The following PLEKHA7 variants were observed in gnomAD, a reference collection of about 807,000 sequenced individuals.
PLEKHA7 encodes the protein pleckstrin homology domain-containing family A member 7.
Under a neutral mutation model 170.0 loss-of-function variants are expected in PLEKHA7, and 104 were observed. That is an observed-to-expected ratio of 0.61 (90% CI 0.52 to 0.72). The LOEUF is 0.72. PLEKHA7 is among the 30% of genes least tolerant of loss of function. The probability of loss-of-function intolerance (pLI) is 0.00; values close to 1 mark genes in which losing one functional copy is unlikely to be tolerated. For synonymous variants in PLEKHA7, 648 were observed against 660.8 expected (o/e 0.98, Z 0.30); for missense variants, 1,615 against 1,671.7 (o/e 0.97, Z 0.59).
chr11:16,832,996 A>G (rs967692672), intron 9 of PLEKHA7, among the ~76,000 whole-genome samples: 2 of 152,228 alleles, frequency 1.3e-5, no homozygotes, highest in Admixed American at 6.5e-5. Flanking sequence ...AGAAGCCCAA[A>G]GTATGTGGAG....
intron 3 of PLEKHA7, among the ~76,000 whole-genome samples, chr11:16,925,911 AGGAGGGGGAGGGAAAAGGGC>A (rs1304207650): frequency 1.3e-5 from 2 of 152,182 alleles, no homozygotes; most frequent in Non-Finnish European, 2.9e-5. Flanking sequence ...AGAGAGGCTG[AGGAGGGGGAGGGAAAAGGGC>A]GGAGGGGCAG....
rs996514218 is a variant in PLEKHA7, at chr11:16,921,936, A to G, written c.222-50754T>C. On this transcript the variant is annotated intron_variant, in intron 3 of 26. Coordinates refer to ENST00000531066, the MANE Select transcript of PLEKHA7 (RefSeq NM_001329630.2). ...AGGTATCCAGTTGCTCTTAGGACTA[A>G]TATTCCCTAATCCTGGCTGGACCAG... Among the ~76,000 whole-genome samples the G allele has an allele frequency of 3.3e-5, 5 of 152,336 alleles. 1 individual carries two copies. The highest frequency in any genetic ancestry group is 6.8e-3 in the Middle Eastern group (2 of 294).
At chr11:16,844,862 A>G (rs899767861) in intron 8 of PLEKHA7, among the ~76,000 whole-genome samples, 1 of 152,222 alleles carries the variant, frequency 6.6e-6, no homozygotes, top group African/African-American at 2.4e-5. Context: ...TGACTGGCTC[A>G]TTCTGGAACT....
chr11:16,837,633 T>C (rs1851619937), intron 9 of PLEKHA7, among the ~76,000 whole-genome samples: 1 of 152,148 alleles, frequency 6.6e-6, no homozygotes, highest in African/African-American at 2.4e-5. Flanking sequence ...GTTTGTTTAT[T>C]TAAAGTAAAA....
At chr11:16,907,293 A>G (rs1465201670) in intron 3 of PLEKHA7, among the ~76,000 whole-genome samples, 110 of 107,946 alleles carry the variant, frequency 1.0e-3, no homozygotes, top group South Asian at 2.5e-3. Context: ...CAGCCGCCCC[A>G]TCCGGGAGGT....
chr11:16,797,306 TA>T (rs1231397297), intron 17 of PLEKHA7, among the ~76,000 whole-genome samples: 1 of 152,100 alleles, frequency 6.6e-6, no homozygotes, highest in Non-Finnish European at 1.5e-5. Flanking sequence ...CCCCATGGAC[TA>T]AAATAAAGGC....
At chr11:16,929,929 G>T (rs190466243) in intron 3 of PLEKHA7, among the ~76,000 whole-genome samples, 1 of 151,906 alleles carries the variant, frequency 6.6e-6, no homozygotes, top group African/African-American at 2.4e-5. Context: ...ACTCGAACCC[G>T]GGAGGTGGAG....
chr11:16,794,042 CCA>C (rs1239990734), intron 19 of PLEKHA7, among the ~76,000 whole-genome samples: 4 of 152,174 alleles, frequency 2.6e-5, no homozygotes, highest in African/African-American at 9.7e-5. Flanking sequence ...ACAACCCAGC[CCA>C]GTGCTCAGCG....
chr11:16,782,658 G>T, intron 26 of PLEKHA7, 96 bp downstream of exon 26: 1 of 1,446,148 alleles, frequency 6.9e-7, no homozygotes, highest in Non-Finnish European at 9.2e-7. Flanking sequence ...CTTGACACCT[G>T]GTTTTCCACT....
rs368678191 is a variant in PLEKHA7 at position 16,852,221 on chromosome 11, C to CA, written c.595+61dup. ...TTAGGACTGGTAAACCTGAAGTCAC[C>CA]AACCATCCACATATGTAAAACTGAA... On this transcript the variant is annotated intron_variant, in intron 7 of 26. Transcript: ENST00000531066. The CA allele has an allele frequency of 7.6e-4, 1,124 of 1,470,050 alleles. 9 individuals are homozygous for CA. In the African/African-American group the frequency reaches 0.014, roughly 18 times the overall value. The allele number at this position is 1,470,050 out of a possible 1,614,324, so 91.1% of individuals were successfully genotyped here.
intron 3 of PLEKHA7, among the ~76,000 whole-genome samples, chr11:16,876,480 G>C (rs923436507): frequency 2.6e-5 from 4 of 152,204 alleles, no homozygotes; most frequent in Non-Finnish European, 5.9e-5. Flanking sequence ...GTCTCACTTA[G>C]GAAAGGACCA....
At chr11:16,980,687 C>T (rs557052825) in intron 3 of PLEKHA7, among the ~76,000 whole-genome samples, 3 of 152,064 alleles carry the variant, frequency 2.0e-5, no homozygotes, top group African/African-American at 7.2e-5. Flanking sequence ...CTTTGGGAGG[C>T]CAAAGTGGAT....
intron 3 of PLEKHA7, chr11:16,975,088 A>T: frequency 3.2e-6 from 2 of 625,880 alleles, no homozygotes; most frequent in Non-Finnish European, 4.5e-6. Flanking sequence ...CAGTTCTATG[A>T]GATTTCATCA....
intron 3 of PLEKHA7, among the ~76,000 whole-genome samples, chr11:16,941,803 A>G (rs552377003): frequency 1.3e-5 from 2 of 152,350 alleles, no homozygotes; most frequent in African/African-American, 4.8e-5. Flanking sequence ...ACAGACTACT[A>G]TGTCAAAACC....
intron 3 of PLEKHA7, among the ~76,000 whole-genome samples, chr11:16,947,174 T>C (rs1280876168): frequency 6.6e-6 from 1 of 152,178 alleles, no homozygotes; most frequent in Non-Finnish European, 1.5e-5. Context: ...TAGGAGGCCA[T>C]TATCAAAAAG....
At chr11:16,956,212 C>T (rs1022579254) in intron 3 of PLEKHA7, among the ~76,000 whole-genome samples, 2 of 152,084 alleles carry the variant, frequency 1.3e-5, no homozygotes, top group African/African-American at 2.4e-5. Context: ...AGAAACAGGG[C>T]TGTGCTATGT....
chr11:16,988,387 A>C (rs1377686036), intron 3 of PLEKHA7, among the ~76,000 whole-genome samples: 1 of 152,134 alleles, frequency 6.6e-6, no homozygotes, highest in Non-Finnish European at 1.5e-5. Context: ...CATTTACTCC[A>C]TACTCTCCAC....
At chr11:16,949,213 A>C (rs1861253846) in intron 3 of PLEKHA7, among the ~76,000 whole-genome samples, 1 of 150,752 alleles carries the variant, frequency 6.6e-6, no homozygotes, top group South Asian at 2.1e-4. Flanking sequence ...GCTCCTCCCC[A>C]CCATTCACCA....
chr11:16,791,254 C>T lies in PLEKHA7; in HGVS notation c.2746-55G>A. 1 of 1,469,768 alleles carries T rather than the reference C, an allele frequency of 6.8e-7. No homozygotes were observed. Among genetic ancestry groups the T allele is most frequent in the Non-Finnish European group, 9.2e-7 (1 of 1,090,148 alleles). 91.0% of individuals were successfully genotyped at this position (1,469,768 alleles called of 1,614,324 possible). ...CAGCGAGACGGAGCTGGAGGGAGGA[C>T]TGCTAGGTACTGCCACAGTGGAGGT... On this transcript the variant is annotated intron_variant, in intron 19 of 26. Coordinates refer to ENST00000531066, the MANE Select transcript of PLEKHA7 (RefSeq NM_001329630.2). This position sits in a 1 kb window ranked among gnomAD's most constrained non-coding sequence, Gnocchi z 4.5.
Sources: gnomAD v4.1 joint callset for allele counts (sites outside exome capture counted in the v4.1 genomes callset) on GRCh38, gnomAD v4.1.1 for gene constraint, Gnocchi (gnomAD v3.1) non-coding constraint, MANE v1.5 for transcripts, NCBI Gene and HGNC (gene_info 2026-07-23, HGNC 2026-07-21) for gene names.